The following DOCK9 variants were observed in gnomAD, a reference collection of about 807,000 sequenced individuals.
The protein encoded by DOCK9 is dedicator of cytokinesis 9.
A neutral mutation model predicts 263.3 loss-of-function variants in DOCK9; 89 were observed. That is an observed-to-expected ratio of 0.34 (90% CI 0.28 to 0.40). The LOEUF is 0.40. DOCK9 is among the 10% of genes least tolerant of loss of function. DOCK9 has a pLI of 1.00. For synonymous variants in DOCK9, 976 were observed against 973.1 expected, an observed-to-expected ratio of 1.00 and a Z score of -0.06; for missense variants, 2,140 against 2,603.4, an observed-to-expected ratio of 0.82 and a Z score of 3.87.
chr13:99,054,082 G>A (rs2142230596), intron 1 of DOCK9, among the ~76,000 whole-genome samples: 2 of 152,274 alleles, frequency 1.3e-5, no homozygotes, highest in South Asian at 4.1e-4. Context: ...CTTTTCCACT[G>A]TAAGACACTG....
At chr13:98,867,658 A>G in intron 29 of DOCK9, 122 bp from the exon 30 acceptor site, 1 of 720,504 alleles carries the variant, frequency 1.4e-6, no homozygotes, top group Non-Finnish European at 2.3e-6. Context: ...TTAGAACTGC[A>G]CACTCTATTG....
rs988489161 is a variant in DOCK9 at position 98,794,736 on chromosome 13, C to T, written c.6169G>A (p.Glu2057Lys). The change falls in exon 53 of 53, where the codon GAG (glutamate) becomes AAG (lysine). Residue 2057 changes from glutamate to lysine, a missense_variant. Physicochemically the swap from Glu to Lys is moderately conservative, Grantham distance 56 (BLOSUM62 1). Coordinates refer to ENST00000682017, the MANE Select transcript of DOCK9 (RefSeq NM_001366683.2). The stretch of plus-strand genomic sequence containing the variant: ...TTCGGTAAGACGCTCGTCTTCTCCT[C>T]CAGGGGGCAGATCTTGAGGACAGAA... ...EIMHEQICPL[E>K]EKTSVLPNSL... is the part of the protein sequence containing the mutation. 1.2e-6 allele frequency: 2 copies of T among 1,613,898 alleles called. No homozygotes were observed. The highest frequency in any genetic ancestry group is 1.7e-6 in the Non-Finnish European group (2 of 1,179,838).
intron 1 of DOCK9, among the ~76,000 whole-genome samples, chr13:98,991,217 A>G (rs1879727087): frequency 6.6e-6 from 1 of 151,796 alleles, no homozygotes; most frequent in African/African-American, 2.4e-5. Context: ...GACTATAGGC[A>G]TGCACCACCA....
intron 1 of DOCK9, among the ~76,000 whole-genome samples, chr13:99,042,791 G>A (rs986365302): frequency 1.3e-5 from 2 of 152,188 alleles, no homozygotes; most frequent in Admixed American, 6.5e-5. Flanking sequence ...TTTCTTCACT[G>A]CAGGTGGAGA....
chr13:98,824,379 CAT>C lies in DOCK9; in HGVS notation c.5130+17_5130+18del, dbSNP rs751579555. ...AGATACCCCAGTACCTGAAAGCCCA[CAT>C]GAGTTCAAGCACGCACCTCGTTGAA... On this transcript the variant is annotated intron_variant, in intron 45 of 52. Coordinates refer to ENST00000682017, the MANE Select transcript of DOCK9 (RefSeq NM_001366683.2). The C allele has an allele frequency of 1.8e-5, 29 of 1,611,156 alleles. No homozygotes were observed. Among genetic ancestry groups the C allele is most frequent in the African/African-American group, 4.0e-5 (3 of 74,854 alleles).
intron 1 of DOCK9, among the ~76,000 whole-genome samples, chr13:98,963,904 C>A (rs2058932260): frequency 6.6e-6 from 1 of 152,240 alleles, no homozygotes; most frequent in Non-Finnish European, 1.5e-5. Context: ...ACGTGACTCT[C>A]GCTACGTAGC....
At chr13:98,824,733 C>T (rs552040839) in intron 44 of DOCK9, among the ~76,000 whole-genome samples, 36 of 152,214 alleles carry the variant, frequency 2.4e-4, no homozygotes, top group African/African-American at 8.2e-4. Flanking sequence ...TTTTTATCTA[C>T]CTTTATTAAA....
intron 1 of DOCK9, among the ~76,000 whole-genome samples, chr13:99,085,879 A>C (rs1333199069): frequency 2.0e-5 from 3 of 150,656 alleles, no homozygotes; most frequent in South Asian, 4.2e-4. Flanking sequence ...GGGAGGGGGG[A>C]GAGTGTAATT....
At chr13:98,828,322 G>A (rs1429827080) in intron 43 of DOCK9, among the ~76,000 whole-genome samples, 2 of 152,212 alleles carry the variant, frequency 1.3e-5, no homozygotes, top group Non-Finnish European at 2.9e-5. Flanking sequence ...CTGAAGCTTA[G>A]TAAGTTCTTC....
At chr13:98,963,496 C>T (rs2058880497) in intron 1 of DOCK9, among the ~76,000 whole-genome samples, 1 of 152,186 alleles carries the variant, frequency 6.6e-6, no homozygotes, top group Admixed American at 6.5e-5. Context: ...CTGCTCTTGC[C>T]TCGGATGTGA....
Position 98,794,688 on chromosome 13 carries a change from T to C in DOCK9, c.6217A>G (p.Ile2073Val), listed in dbSNP as rs2089116927. The change falls in exon 53 of 53, where the codon ATC becomes GTC. Residue 2073 changes from isoleucine to valine, a missense_variant. By Grantham distance (29) the Ile-to-Val change is conservative. Coordinates refer to ENST00000682017, the MANE Select transcript of DOCK9 (RefSeq NM_001366683.2). Reference protein sequence around the residue: ...LPNSLHIFNAISGTPTSTMVH... With the variant: ...LPNSLHIFNAVSGTPTSTMVH... ...ATTGTGCTTGTTGGAGTCCCACTGA[T>C]GGCGTTGAAGATGTGAAGGGAATTC... 6 of 1,613,776 alleles carry C rather than the reference T, an allele frequency of 3.7e-6. No homozygotes were observed. Among genetic ancestry groups the C allele is most frequent in the Non-Finnish European group, 5.1e-6 (6 of 1,179,854 alleles).
chr13:99,022,289 T>C (rs1305389967), intron 1 of DOCK9, among the ~76,000 whole-genome samples: 4 of 152,196 alleles, frequency 2.6e-5, no homozygotes, highest in South Asian at 2.1e-4. Context: ...CCTGGACCAC[T>C]CTGAAGTAAA....
At chr13:98,975,365 A>T (rs2060152211) in intron 1 of DOCK9, among the ~76,000 whole-genome samples, 1 of 151,952 alleles carries the variant, frequency 6.6e-6, no homozygotes, top group Non-Finnish European at 1.5e-5. Flanking sequence ...TTGTCTCAAA[A>T]AAAAAAAAAG....
intron 1 of DOCK9, among the ~76,000 whole-genome samples, chr13:99,082,701 CT>C (rs2042176568): frequency 2.6e-5 from 4 of 152,110 alleles, no homozygotes; most frequent in Admixed American, 2.6e-4. Context: ...ACTTAAGTAG[CT>C]GGTAGAATAT....
intron 18 of DOCK9, among the ~76,000 whole-genome samples, chr13:98,887,308 C>T (rs1291210883): frequency 6.6e-6 from 1 of 151,298 alleles, no homozygotes; most frequent in Non-Finnish European, 1.5e-5. Flanking sequence ...CTGCACTACT[C>T]CCCTCACCTA....
chr13:98,854,609 T>C (rs2093657215), intron 34 of DOCK9: 1 of 152,112 alleles, frequency 6.6e-6, no homozygotes, highest in African/African-American at 2.4e-5. Flanking sequence ...ATGTCTCCTC[T>C]GGCAAAGGTG....
At chr13:99,072,353 G>C (rs2142382894) in intron 1 of DOCK9, among the ~76,000 whole-genome samples, 1 of 152,272 alleles carries the variant, frequency 6.6e-6, no homozygotes, top group East Asian at 1.9e-4. Context: ...TTGTGTTTGG[G>C]AACAAGTAGA....
At chr13:98,901,952 C>A in intron 12 of DOCK9, 52 bp from the exon 13 acceptor site, 1 of 1,592,474 alleles carries the variant, frequency 6.3e-7, no homozygotes, top group East Asian at 2.2e-5. Context: ...CTACGTTAAA[C>A]AAATCCCATG....
intron 46 of DOCK9, 30 bp downstream of exon 46, chr13:98,810,139 T>C (rs2091168684): frequency 1.2e-6 from 2 of 1,613,188 alleles, no homozygotes; most frequent in Admixed American, 1.7e-5. Context: ...TGCTCTCAAA[T>C]AGGAAAAAAA....
Sources: gnomAD v4.1 joint callset for allele counts (sites outside exome capture counted in the v4.1 genomes callset) on GRCh38, gnomAD v4.1.1 for gene constraint, MANE v1.5 for transcripts, NCBI Gene and HGNC (gene_info 2026-07-23, HGNC 2026-07-21) for gene names.